Variants in CDKL3 observed in about 807,000 individuals in gnomAD.
CDKL3 encodes cyclin dependent kinase like 3.
A neutral mutation model predicts 69.3 loss-of-function variants in CDKL3; 65 were observed. That is an observed-to-expected ratio of 0.94 (90% CI 0.77 to 1.15). CDKL3 has a LOEUF of 1.15. Ranked by LOEUF, CDKL3 falls within the 50% of genes most tolerant of loss-of-function variation. The pLI, the probability that CDKL3 is intolerant of heterozygous loss-of-function variation, is 0.00. For missense variants in CDKL3, 652 were observed against 689.2 expected (o/e 0.95, Z 0.61); for synonymous variants, 202 against 221.6 (o/e 0.91, Z 0.79).
At chr5:134,298,373 T>G (rs1230426862), downstream of CDKL3, 2 of 1,189,360 alleles carry the variant, frequency 1.7e-6, no homozygotes, top group Non-Finnish European at 2.1e-6. Context: ...ACAGTTTGTA[T>G]CATGTCACGG....
At chr5:134,371,237 G>C (rs2149687613), upstream of CDKL3, 3 of 346,726 alleles carry the variant, frequency 8.7e-6, no homozygotes, top group Non-Finnish European at 1.6e-5. Flanking sequence ...AGACGGGATA[G>C]TGTTTCTGTT....
intron 2 of CDKL3, among the ~76,000 whole-genome samples, chr5:134,361,386 C>T (rs1445357778): frequency 6.6e-6 from 1 of 151,944 alleles, no homozygotes; most frequent in Non-Finnish European, 1.5e-5. Context: ...GTTCCTAGCT[C>T]TAGAAAACTA....
chr5:134,296,501 C>A (rs916409999), downstream of CDKL3, among the ~76,000 whole-genome samples: 1 of 152,100 alleles, frequency 6.6e-6, no homozygotes, highest in African/African-American at 2.4e-5. Flanking sequence ...TAATATACAT[C>A]CCATGTTCAC....
At chr5:134,369,217 G>A (rs1758068608), upstream of CDKL3, among the ~76,000 whole-genome samples, 1 of 152,192 alleles carries the variant, frequency 6.6e-6, no homozygotes, top group Non-Finnish European at 1.5e-5. Context: ...ATACACAGCT[G>A]TAAGACTTTA....
At chr5:134,296,118 C>G (rs369423622), downstream of CDKL3, among the ~76,000 whole-genome samples, 35 of 152,048 alleles carry the variant, frequency 2.3e-4, no homozygotes, top group East Asian at 3.9e-3. Context: ...AGGATGGTAT[C>G]AATCTCCTGA....
chr5:134,368,971 G>A (rs1758034271), upstream of CDKL3, among the ~76,000 whole-genome samples: 1 of 152,124 alleles, frequency 6.6e-6, no homozygotes, highest in African/African-American at 2.4e-5. Flanking sequence ...AGGCTGCAGT[G>A]AGCCCTGTTC....
chr5:134,371,534 G>C (rs557096417), upstream of CDKL3: 45 of 1,584,544 alleles, frequency 2.8e-5, no homozygotes, highest in South Asian at 3.4e-5. Flanking sequence ...GCCGCGCCGG[G>C]GGGTGGGGGG....
At chr5:134,359,499 T>C (rs1755477070) in intron 3 of CDKL3, among the ~76,000 whole-genome samples, 1 of 152,166 alleles carries the variant, frequency 6.6e-6, no homozygotes, top group Non-Finnish European at 1.5e-5. Context: ...TTACTTACTA[T>C]TCCCCCCGCC....
At chr5:134,285,314 C>A (rs569010491), downstream of CDKL3, among the ~76,000 whole-genome samples, 53 of 152,358 alleles carry the variant, frequency 3.5e-4, 1 homozygote, top group Middle Eastern at 0.017. Context: ...TCTTCCTGGA[C>A]ATCCAGGCAT....
chr5:134,325,053 C>T (rs930818341), intron 4 of CDKL3, among the ~76,000 whole-genome samples: 1 of 152,148 alleles, frequency 6.6e-6, no homozygotes, highest in Non-Finnish European at 1.5e-5. Context: ...TGGCTCATGC[C>T]TGTAGTCCCA....
intron 9 of CDKL3, chr5:134,307,880 T>G: frequency 2.3e-6 from 1 of 427,228 alleles, no homozygotes; most frequent in Non-Finnish European, 3.7e-6. Context: ...ATAAAAACAT[T>G]TTTCAAAGGG....
At chr5:134,331,660 C>T (rs1452025756) in intron 4 of CDKL3, among the ~76,000 whole-genome samples, 1 of 152,174 alleles carries the variant, frequency 6.6e-6, no homozygotes, top group East Asian at 1.9e-4. Flanking sequence ...GATAGTATTC[C>T]ATGGTGTATA....
intron 4 of CDKL3, 39 bp from the exon 5 acceptor site, chr5:134,321,942 T>A: frequency 9.8e-7 from 1 of 1,016,166 alleles, no homozygotes; most frequent in Non-Finnish European, 1.5e-6. Context: ...CTTTTTCATG[T>A]AGAAATTTAT....
intron 6 of CDKL3, 44 bp from the exon 7 acceptor site, chr5:134,312,424 C>T: frequency 2.0e-6 from 2 of 983,946 alleles, no homozygotes; most frequent in Non-Finnish European, 3.0e-6. Context: ...CTCAACAGGG[C>T]TCCATATGGT....
In CDKL3 at chr5:134,359,934, T is replaced by C. The variant is rs1277856698; in HGVS notation, c.323A>G (p.Gln108Arg). 3.8e-6 allele frequency: 6 copies of C among 1,588,274 alleles called. No homozygotes were observed. The Admixed American group carries it at 7.1e-5, about 19-fold the overall frequency. ...AAGATAGTCAATTGCTCGAAGGATC[T>C]GGAAGAGGTATTTTCTAAGTCGCTT... The part of the protein sequence containing the change: ...ESKRLRKYLF[Q>R]ILRAIDYLHS... The change falls in exon 3 of 13, where the codon CAG (glutamine) becomes CGG (arginine). Residue 108 changes from glutamine to arginine, a missense_variant. Physicochemically the swap from Gln to Arg is conservative, Grantham distance 43. Coordinates refer to ENST00000265334, the MANE Select transcript of CDKL3 (RefSeq NM_001113575.2).
upstream of CDKL3, among the ~76,000 whole-genome samples, chr5:134,369,401 C>T (rs960370885): frequency 2.6e-5 from 4 of 152,184 alleles, no homozygotes; most frequent in Non-Finnish European, 5.9e-5. Context: ...ACTTTTGTAT[C>T]CATTCGTCAG....
At chr5:134,334,359 T>G (rs1776538756) in intron 4 of CDKL3, among the ~76,000 whole-genome samples, 1 of 152,210 alleles carries the variant, frequency 6.6e-6, no homozygotes, top group Non-Finnish European at 1.5e-5. Context: ...CTTTTGAATT[T>G]GAATTTGTTT....
intron 3 of CDKL3, among the ~76,000 whole-genome samples, chr5:134,356,895 G>T (rs1010558678): frequency 6.6e-6 from 1 of 151,724 alleles, no homozygotes; most frequent in African/African-American, 2.4e-5. Context: ...GGGCAACAGC[G>T]GGCCATCCTT....
At chr5:134,315,804 T>C (rs1299236750) in intron 6 of CDKL3, among the ~76,000 whole-genome samples, 2 of 152,046 alleles carry the variant, frequency 1.3e-5, no homozygotes, top group South Asian at 2.1e-4. Flanking sequence ...CTGGGCAACA[T>C]AGCAAGTCCT....
Sources: gnomAD v4.1 joint callset for allele counts (sites outside exome capture counted in the v4.1 genomes callset) on GRCh38, gnomAD v4.1.1 for gene constraint, MANE v1.5 for transcripts, NCBI Gene and HGNC (gene_info 2026-07-23, HGNC 2026-07-21) for gene names.